CTNNA3: variants seen among roughly 807,000 people sequenced by gnomAD.
The protein encoded by CTNNA3 is catenin alpha 3, also known as catenin alpha-3.
In CTNNA3, 76 loss-of-function variants were observed where a neutral mutation model predicts 95.7. The ratio of observed to expected loss-of-function variants is 0.79; its 90% confidence interval spans 0.66 to 0.96. The LOEUF is 0.96. CTNNA3 is among the 40% of genes least tolerant of loss of function. The pLI, the probability that CTNNA3 is intolerant of heterozygous loss-of-function variation, is 0.00. For missense variants in CTNNA3, 1,191 were observed against 1,089.8 expected (o/e 1.09, Z -1.31); for synonymous variants, 431 against 374.4 (o/e 1.15, Z -1.74).
At chr10:67,695,626 A>G (rs2133597069) in intron 1 of CTNNA3, among the ~76,000 whole-genome samples, 1 of 152,298 alleles carries the variant, frequency 6.6e-6, no homozygotes, top group Non-Finnish European at 1.5e-5. Flanking sequence ...CCCTTCAAAC[A>G]TATTCCATCT....
At chr10:66,988,533 C>T (rs1221903928) in intron 7 of CTNNA3, among the ~76,000 whole-genome samples, 1 of 152,120 alleles carries the variant, frequency 6.6e-6, no homozygotes, top group East Asian at 1.9e-4. Context: ...GTCACTTTGA[C>T]AATTTTATTC....
chr10:67,013,296 A>C (rs995048123), intron 7 of CTNNA3, among the ~76,000 whole-genome samples: 6 of 151,562 alleles, frequency 4.0e-5, no homozygotes, highest in African/African-American at 1.5e-4. Context: ...TTAAAGTTGT[A>C]TATCTATAAT....
intron 15 of CTNNA3, among the ~76,000 whole-genome samples, chr10:66,067,167 C>T (rs2080330638): frequency 6.6e-6 from 1 of 152,088 alleles, no homozygotes; most frequent in Non-Finnish European, 1.5e-5. Context: ...ACCCCTTTTC[C>T]CCAAAGCTAG....
At chr10:66,578,761 A>T (rs1843085362) in intron 10 of CTNNA3, among the ~76,000 whole-genome samples, 1 of 147,272 alleles carries the variant, frequency 6.8e-6, no homozygotes, top group African/African-American at 2.5e-5. Context: ...TTCATTGGGG[A>T]TATTGGCCTG....
intron 5 of CTNNA3, among the ~76,000 whole-genome samples, chr10:67,499,065 G>A (rs1019285569): frequency 6.6e-6 from 1 of 152,180 alleles, no homozygotes; most frequent in Non-Finnish European, 1.5e-5. Flanking sequence ...GATGTTGGCT[G>A]TGGGTTTGTC....
intron 9 of CTNNA3, among the ~76,000 whole-genome samples, chr10:66,725,244 C>T (rs1420543614): frequency 6.6e-6 from 1 of 152,036 alleles, no homozygotes; most frequent in Non-Finnish European, 1.5e-5. Context: ...CCCATAGATA[C>T]TAAGGGCCAA....
chr10:67,490,540 G>T (rs562167555), intron 5 of CTNNA3, among the ~76,000 whole-genome samples: 1 of 152,128 alleles, frequency 6.6e-6, no homozygotes, highest in Non-Finnish European at 1.5e-5. Flanking sequence ...CACCCTTCTG[G>T]TGCAAGCCTA....
At chr10:65,945,285 G>A (rs1365894939) in intron 17 of CTNNA3, among the ~76,000 whole-genome samples, 2 of 152,034 alleles carry the variant, frequency 1.3e-5, no homozygotes, top group Non-Finnish European at 2.9e-5. Flanking sequence ...TATAATCAGT[G>A]GTGCCTTTAA....
chr10:66,811,632 G>A (rs986121194), intron 7 of CTNNA3, among the ~76,000 whole-genome samples: 2 of 152,122 alleles, frequency 1.3e-5, no homozygotes, highest in East Asian at 3.9e-4. Context: ...ACTAGTCCTA[G>A]GTCATTGGAA....
intron 5 of CTNNA3, among the ~76,000 whole-genome samples, chr10:67,452,119 A>G (rs1225422932): frequency 6.6e-6 from 1 of 151,534 alleles, no homozygotes; most frequent in East Asian, 1.9e-4. Context: ...GGAGAAAAAA[A>G]GGGAAGATCA....
intron 13 of CTNNA3, among the ~76,000 whole-genome samples, chr10:66,209,562 A>AGC (rs1478554097): frequency 6.6e-6 from 1 of 152,184 alleles, no homozygotes; most frequent in Admixed American, 6.6e-5. Context: ...TGTTAAGGGA[A>AGC]CAGTAAGGAA....
At chr10:67,026,955 C>A (rs1317515324) in intron 7 of CTNNA3, among the ~76,000 whole-genome samples, 1 of 152,126 alleles carries the variant, frequency 6.6e-6, no homozygotes, top group African/African-American at 2.4e-5. Context: ...CTTCTTTATT[C>A]TGTATAAGAC....
chr10:66,992,562 T>A (rs1462339779), intron 7 of CTNNA3, among the ~76,000 whole-genome samples: 1 of 152,102 alleles, frequency 6.6e-6, no homozygotes, highest in Non-Finnish European at 1.5e-5. Context: ...CAACAGAAAT[T>A]TAAATTCTAA....
At chr10:66,101,491 T>C (rs1413421584) in intron 14 of CTNNA3, among the ~76,000 whole-genome samples, 1 of 152,212 alleles carries the variant, frequency 6.6e-6, no homozygotes, top group Non-Finnish European at 1.5e-5. Flanking sequence ...ATATTATTTC[T>C]AGGCAATCTG....
intron 9 of CTNNA3, among the ~76,000 whole-genome samples, chr10:66,629,572 C>G (rs1384385316): frequency 1.3e-5 from 2 of 152,104 alleles, no homozygotes; most frequent in Non-Finnish European, 2.9e-5. Context: ...TGTTCTTTCT[C>G]TACAATATGT....
chr10:67,509,580 C>A (rs935758178), intron 5 of CTNNA3, among the ~76,000 whole-genome samples: 18 of 152,156 alleles, frequency 1.2e-4, no homozygotes, highest in African/African-American at 4.3e-4. Context: ...TTTTCTTAAT[C>A]CAGTCTATCA....
At chr10:67,568,793 T>A (rs1232745060) in intron 3 of CTNNA3, among the ~76,000 whole-genome samples, 1 of 152,114 alleles carries the variant, frequency 6.6e-6, no homozygotes, top group East Asian at 1.9e-4. Flanking sequence ...TTAGGTGAAA[T>A]GTTTGGTATT....
chr10:66,176,164 G>T (rs2085701356), intron 13 of CTNNA3, among the ~76,000 whole-genome samples: 2 of 152,104 alleles, frequency 1.3e-5, no homozygotes, highest in South Asian at 2.1e-4. Context: ...GTGCATGTGT[G>T]CACACACATA....
intron 7 of CTNNA3, among the ~76,000 whole-genome samples, chr10:67,078,482 T>G (rs1433975590): frequency 6.6e-6 from 1 of 152,040 alleles, no homozygotes; most frequent in Non-Finnish European, 1.5e-5. Flanking sequence ...TCAAGGCAAT[T>G]ATTATGATTT....
Sources: allele counts gnomAD v4.1 joint callset (sites outside exome capture counted in the v4.1 genomes callset), GRCh38; gene constraint gnomAD v4.1.1; transcripts MANE v1.5; gene names NCBI Gene and HGNC (gene_info 2026-07-23, HGNC 2026-07-21).